The following CDK12 variants were observed in gnomAD, a reference collection of about 807,000 sequenced individuals.
The protein encoded by CDK12 is cyclin dependent kinase 12, also known as cyclin-dependent kinase 12.
In CDK12, 17 loss-of-function variants were observed where a neutral mutation model predicts 133.8. That is an observed-to-expected ratio of 0.13 (90% CI 0.09 to 0.19). The LOEUF (loss-of-function observed/expected upper bound fraction) is 0.19. Among genes scored for constraint, CDK12 ranks in the 10% least tolerant of loss-of-function variants. The probability of loss-of-function intolerance (pLI) is 1.00; values close to 1 mark genes in which losing one functional copy is unlikely to be tolerated. For synonymous variants in CDK12, 694 were observed against 683.6 expected, an observed-to-expected ratio of 1.02 and a Z score of -0.24; for missense variants, 1,508 against 1,818.7, an observed-to-expected ratio of 0.83 and a Z score of 3.11.
downstream of CDK12, among the ~76,000 whole-genome samples, chr17:39,536,934 A>G (rs1386102787): frequency 6.6e-6 from 1 of 152,226 alleles, no homozygotes; most frequent in African/African-American, 2.4e-5. Context: ...CAGGTTCTCT[A>G]GGACCTGTAA....
intron 2 of CDK12, among the ~76,000 whole-genome samples, chr17:39,484,458 C>T (rs1252584186): frequency 6.6e-6 from 1 of 152,072 alleles, no homozygotes; most frequent in African/African-American, 2.4e-5. Flanking sequence ...TACCACATGT[C>T]CGCAACCCTT....
chr17:39,559,768 G>A (rs141301400), intron 3 of CDK12, among the ~76,000 whole-genome samples: 52 of 151,396 alleles, frequency 3.4e-4, no homozygotes, highest in Non-Finnish European at 4.9e-4. Context: ...GAGCCTGAGC[G>A]GCAGAGATTG....
Position 39,519,481 on chromosome 17 carries a change from A to G in CDK12, c.2964-475A>G, listed in dbSNP as rs547493831. Among the ~76,000 whole-genome samples, 12 of 150,982 alleles carry G rather than the reference A, an allele frequency of 7.9e-5. No homozygotes were observed. The Middle Eastern group carries it at 0.01, about 130-fold the overall frequency. ...CATGCCTGGCTAATGGGGTTTCACTATGTTGGCCAGGCTGGTCCTGAACTC... is the reference window on the plus strand; with the variant it reads ...CATGCCTGGCTAATGGGGTTTCACTGTGTTGGCCAGGCTGGTCCTGAACTC... On this transcript the variant is annotated intron_variant, in intron 10 of 13. Coordinates refer to ENST00000447079, the MANE Select transcript of CDK12 (RefSeq NM_016507.4).
At chr17:39,563,468 C>CCA (rs1346602138) in intron 3 of CDK12, among the ~76,000 whole-genome samples, 1 of 78,410 alleles carries the variant, frequency 1.3e-5, no homozygotes, top group Non-Finnish European at 2.5e-5. Flanking sequence ...TTCCCGCCCC[C>CCA]CCCCCGCCCC....
chr17:39,494,749 C>CTTT, intron 5 of CDK12, 55 bp downstream of exon 5: 6 of 771,116 alleles, frequency 7.8e-6, no homozygotes, highest in South Asian at 5.0e-5. Flanking sequence ...CTTTGCCTTT[C>CTTT]TTTTTTTTTT....
chr17:39,562,887 TTTTCTTTTTC>T (rs1567826935), intron 3 of CDK12, among the ~76,000 whole-genome samples: 1 of 120,770 alleles, frequency 8.3e-6, no homozygotes, highest in Admixed American at 9.2e-5. Flanking sequence ...TCTCCTTTTT[TTTTCTTTTTC>T]TTTTCTTTTT....
chr17:39,474,128 T>A (rs2050011115), intron 2 of CDK12, among the ~76,000 whole-genome samples: 1 of 152,222 alleles, frequency 6.6e-6, no homozygotes, highest in Non-Finnish European at 1.5e-5. Flanking sequence ...ACACACTTGC[T>A]TTAGCAGTGA....
At chr17:39,488,159 G>A (rs868601950) in intron 2 of CDK12, among the ~76,000 whole-genome samples, 38 of 151,950 alleles carry the variant, frequency 2.5e-4, no homozygotes, top group Middle Eastern at 6.8e-3. Context: ...GCTTGAGCCC[G>A]GGAAATTGAG....
At position 39,477,774 on chromosome 17, in the gene CDK12, C is replaced by T. The variant is rs1484038402; in HGVS notation, c.1931+6011C>T. Among the ~76,000 whole-genome samples, 8 of 149,820 alleles carry T rather than the reference C, an allele frequency of 5.3e-5. No homozygotes were observed. The East Asian group carries it at 1.0e-3, about 19-fold the overall frequency. On this transcript the variant is annotated intron_variant, in intron 2 of 13. Coordinates refer to ENST00000447079, the MANE Select transcript of CDK12 (RefSeq NM_016507.4). ...TTTTTTAGTAGAGATGGGGTTTCGCCGTGTTAGCCAGGATGATCTCGATCT... is the reference window on the plus strand; with the variant it reads ...TTTTTTAGTAGAGATGGGGTTTCGCTGTGTTAGCCAGGATGATCTCGATCT...
rs550043451 is a variant in CDK12, at chr17:39,532,533, C to A, written c.*1217C>A. 5 of 231,318 alleles carry A rather than the reference C, an allele frequency of 2.2e-5. No homozygotes were observed. In the East Asian group the frequency reaches 2.4e-4, roughly 11 times the overall value. 14.3% of individuals were successfully genotyped at this position (231,318 alleles called of 1,614,324 possible). A position where few individuals can be genotyped will look rare whatever the true frequency, so the allele number is the denominator to read the frequency against. On this transcript the variant is annotated 3_prime_UTR_variant, in exon 14 of 14. Transcript: ENST00000447079. ...AAGAGAAAAACAAATCCTGAAGATA[C>A]ATGGAAATGTAACCTAGTTTAGGGT...
In CDK12 at chr17:39,532,360, A is replaced by T. The variant is rs2054916725; in HGVS notation, c.*1044A>T. The T allele has an allele frequency of 4.3e-6, 1 of 233,196 alleles. No homozygotes were observed. The highest frequency in any genetic ancestry group is 5.6e-5 in the Admixed American group (1 of 17,768). 14.4% of individuals were successfully genotyped at this position (233,196 alleles called of 1,614,324 possible). On this transcript the variant is annotated 3_prime_UTR_variant, in exon 14 of 14. Transcript: ENST00000447079. The stretch of plus-strand genomic sequence containing the variant: ...GGGAAGTTGATTTGTAAGTGTGGAC[A>T]GCTTGGACATTGCTGCTGAGCTGTG...
intron 7 of CDK12, among the ~76,000 whole-genome samples, chr17:39,510,958 G>A (rs1465379496): frequency 2.3e-5 from 3 of 129,518 alleles, no homozygotes; most frequent in Admixed American, 7.7e-5. Flanking sequence ...GCTCACGCCC[G>A]TAATCCCAGC....
At chr17:39,530,416 G>A in intron 13 of CDK12, 188 bp from the exon 14 acceptor site, 1 of 708,996 alleles carries the variant, frequency 1.4e-6, no homozygotes, top group Non-Finnish European at 2.1e-6. Flanking sequence ...GTTAGATCCA[G>A]GATGCAACTG....
chr17:39,562,566 T>C (rs1204271507), intron 3 of CDK12, among the ~76,000 whole-genome samples: 2 of 152,138 alleles, frequency 1.3e-5, no homozygotes, highest in East Asian at 1.9e-4. Context: ...TGTTTTCCTC[T>C]CTCTCTCAGC....
chr17:39,519,882 C>T, intron 10 of CDK12, 74 bp from the exon 11 acceptor site: 1 of 1,580,858 alleles, frequency 6.3e-7, no homozygotes, highest in South Asian at 1.1e-5. Flanking sequence ...GTGTGAGACC[C>T]TTTGAAACAA....
intron 1 of CDK12, among the ~76,000 whole-genome samples, chr17:39,542,527 G>T (rs1325797630): frequency 1.4e-5 from 2 of 147,898 alleles, no homozygotes; most frequent in Non-Finnish European, 3.0e-5. Context: ...CTTTTTTTTT[G>T]AAACGGCGTT....
At chr17:39,535,189 G>A (rs1189241690), downstream of CDK12, 1 of 152,200 alleles carries the variant, frequency 6.6e-6, no homozygotes, top group Non-Finnish European at 1.5e-5. Context: ...CCTGTGGTAT[G>A]TGCTGCAATC....
chr17:39,478,603 G>C (rs569118647), intron 2 of CDK12, among the ~76,000 whole-genome samples: 24 of 152,256 alleles, frequency 1.6e-4, no homozygotes, highest in African/African-American at 4.1e-4. Context: ...CCCTTTGGGA[G>C]GCCAAGGCAA....
chr17:39,527,942 G>GTC (rs529322856), intron 13 of CDK12, among the ~76,000 whole-genome samples: 2 of 151,812 alleles, frequency 1.3e-5, no homozygotes, highest in African/African-American at 4.8e-5. Context: ...TTGAGACAGA[G>GTC]TCTCTCTCTG....
Sources: gnomAD v4.1 joint callset for allele counts (sites outside exome capture counted in the v4.1 genomes callset) on GRCh38, gnomAD v4.1.1 for gene constraint, MANE v1.5 for transcripts, NCBI Gene and HGNC (gene_info 2026-07-23, HGNC 2026-07-21) for gene names.